FRMD3: variants seen among roughly 807,000 people sequenced by gnomAD.
FRMD3 encodes the protein FERM domain containing 3, also known as FERM domain-containing protein 3.
Under a neutral mutation model 70.2 loss-of-function variants are expected in FRMD3, and 33 were observed. That is an observed-to-expected ratio of 0.47 (90% CI 0.36 to 0.63). FRMD3 has a LOEUF of 0.63. Among genes scored for constraint, FRMD3 ranks in the 20% least tolerant of loss-of-function variants. The pLI is 0.00. For synonymous variants in FRMD3, 279 were observed against 255.9 expected (o/e 1.09, Z -0.86); for missense variants, 632 against 711.4 (o/e 0.89, Z 1.27).
Position 83,452,513 on chromosome 9 carries a change from G to A in FRMD3, c.148-62805C>T, listed in dbSNP as rs1030111832. Among the ~76,000 whole-genome samples, 13 of 151,988 alleles carry A rather than the reference G, an allele frequency of 8.6e-5. No homozygotes were observed. The South Asian group carries it at 1.9e-3, about 22-fold the overall frequency. ...GTTGTTTTTTTTGAGACGGAGTCTC[G>A]CTCCGTCGCCCAGGCTGGAGTGCAG... On this transcript the variant is annotated intron_variant, in intron 1 of 13. Coordinates refer to ENST00000304195, the MANE Select transcript of FRMD3 (RefSeq NM_174938.6).
At chr9:83,493,947 C>G (rs1286054317) in intron 1 of FRMD3, among the ~76,000 whole-genome samples, 1 of 152,230 alleles carries the variant, frequency 6.6e-6, no homozygotes, top group Non-Finnish European at 1.5e-5. Context: ...TTAGTGAACT[C>G]ATAGGTACAG....
At chr9:83,403,806 G>A (rs1482297543) in intron 1 of FRMD3, among the ~76,000 whole-genome samples, 1 of 152,078 alleles carries the variant, frequency 6.6e-6, no homozygotes, top group East Asian at 1.9e-4. Flanking sequence ...TTGGTCGAAT[G>A]ACCTTCTAGA....
chr9:83,254,997 A>T (rs1318134499), intron 13 of FRMD3, among the ~76,000 whole-genome samples: 1 of 152,182 alleles, frequency 6.6e-6, no homozygotes, highest in Non-Finnish European at 1.5e-5. Flanking sequence ...TTCCTAAAAG[A>T]TGAAAAGGAA....
intron 1 of FRMD3, among the ~76,000 whole-genome samples, chr9:83,512,986 G>A (rs10780609): frequency 0.32 from 48,344 of 151,940 alleles, 8,421 homozygotes; most frequent in East Asian, 0.53. Context: ...TGAAAGAAGT[G>A]GTAAAGACAC....
At position 83,270,199 on chromosome 9, in the gene FRMD3, T is replaced by C. The variant is rs563940123; in HGVS notation, c.1195+20404A>G. On this transcript the variant is annotated intron_variant, in intron 13 of 13. Coordinates refer to ENST00000304195, the MANE Select transcript of FRMD3 (RefSeq NM_174938.6). ...TGTTTGTCTGAGAATTGGGAATGCA[T>C]GTCTGGGCAGTGACAAGAGGCCAAA... Among the ~76,000 whole-genome samples, 33 of 152,374 alleles carry C rather than the reference T, an allele frequency of 2.2e-4. No individual in the cohort carries two copies. In the South Asian group the frequency reaches 6.6e-3, roughly 31 times the overall value.
chr9:83,571,827 C>T, the FRMD3 span, among the ~76,000 whole-genome samples: 2 of 152,174 alleles, frequency 1.3e-5, no homozygotes, highest in African/African-American at 4.8e-5. Context: ...GAACCTAAAG[C>T]TTGGCTGGAG....
In FRMD3 at chr9:83,431,575, GT is replaced by G. The variant is rs907232519; in HGVS notation, c.148-41868del. ...AAACAGTTTTGTGGTTAAGTTTAGC[GT>G]TTTTTTTTATGAGATGAAACATTTG... On this transcript the variant is annotated intron_variant, in intron 1 of 13. Coordinates refer to ENST00000304195, the MANE Select transcript of FRMD3 (RefSeq NM_174938.6). Among the ~76,000 whole-genome samples, 47 of 150,014 alleles carry G rather than the reference GT, an allele frequency of 3.1e-4. No homozygotes were observed. The East Asian group carries it at 6.8e-3, about 22-fold the overall frequency.
intron 1 of FRMD3, among the ~76,000 whole-genome samples, chr9:83,501,061 G>T (rs1189855548): frequency 6.6e-6 from 1 of 152,172 alleles, no homozygotes; most frequent in Admixed American, 6.5e-5. Context: ...GTTTATCAAT[G>T]TTAAAAGTCA....
chr9:83,461,558 G>C (rs958819364), intron 1 of FRMD3, among the ~76,000 whole-genome samples: 2 of 151,964 alleles, frequency 1.3e-5, no homozygotes, highest in Non-Finnish European at 2.9e-5. Context: ...CTGGGTTTGT[G>C]GGGTGGGAGG....
the FRMD3 span, among the ~76,000 whole-genome samples, chr9:83,545,653 G>A: frequency 4.3e-3 from 647 of 151,990 alleles, 6 homozygotes; most frequent in African/African-American, 0.015. Context: ...CACCACACCC[G>A]GCCGAGAAAA....
chr9:83,465,601 A>G (rs1828105465), intron 1 of FRMD3, among the ~76,000 whole-genome samples: 1 of 152,118 alleles, frequency 6.6e-6, no homozygotes, highest in Non-Finnish European at 1.5e-5. Flanking sequence ...CATTCTCTAT[A>G]TGCCTGAATT....
In FRMD3 at chr9:83,502,437, T is replaced by C. The variant is rs1290226284; in HGVS notation, c.147+35648A>G. 3.3e-5 allele frequency among the ~76,000 whole-genome samples: 5 copies of C among 152,316 alleles called. No homozygotes were observed. The East Asian group carries it at 9.6e-4, about 29-fold the overall frequency. ...CCTCTAAGTATCTGAATCACCATATTTTATGAAAAGAAATGAGTTATTTGG... is the reference window on the plus strand; with the variant it reads ...CCTCTAAGTATCTGAATCACCATATCTTATGAAAAGAAATGAGTTATTTGG... On this transcript the variant is annotated intron_variant, in intron 1 of 13. Coordinates refer to ENST00000304195, the MANE Select transcript of FRMD3 (RefSeq NM_174938.6).
intron 10 of FRMD3, among the ~76,000 whole-genome samples, chr9:83,300,909 C>T (rs1834898107): frequency 6.6e-6 from 1 of 152,122 alleles, no homozygotes; most frequent in Admixed American, 6.5e-5. Flanking sequence ...TGGTCTTTAT[C>T]GAGAGAACAA....
At chr9:83,379,633 G>T (rs778139313) in intron 2 of FRMD3, among the ~76,000 whole-genome samples, 17 of 152,164 alleles carry the variant, frequency 1.1e-4, no homozygotes, top group Non-Finnish European at 1.9e-4. Context: ...ATGATTTGAA[G>T]GTACCAGGAA....
intron 10 of FRMD3, 43 bp downstream of exon 10, chr9:83,309,493 G>T: frequency 8.7e-7 from 1 of 1,146,812 alleles, no homozygotes; most frequent in Non-Finnish European, 1.3e-6. Context: ...GAATTCCATG[G>T]GTGCTTTTAA....
chr9:83,502,735 C>T (rs17405770), intron 1 of FRMD3, among the ~76,000 whole-genome samples: 2,770 of 152,212 alleles, frequency 0.018, 30 homozygotes, highest in Middle Eastern at 0.041. Context: ...TTGAAAATCT[C>T]GGCCCTCATA....
chr9:83,256,075 CA>C (rs1832693780), intron 13 of FRMD3, among the ~76,000 whole-genome samples: 1 of 152,148 alleles, frequency 6.6e-6, no homozygotes, highest in African/African-American at 2.4e-5. Context: ...CAATCCTAAG[CA>C]AAAAGAACAA....
chr9:83,328,590 A>T (rs1262869109), intron 6 of FRMD3, among the ~76,000 whole-genome samples: 1 of 152,220 alleles, frequency 6.6e-6, no homozygotes, highest in East Asian at 1.9e-4. Context: ...AAAAATTAGG[A>T]GGCAAATTAA....
chr9:83,462,211 C>G (rs1184720999), intron 1 of FRMD3, among the ~76,000 whole-genome samples: 1 of 152,182 alleles, frequency 6.6e-6, no homozygotes, highest in East Asian at 1.9e-4. Flanking sequence ...CAACAGTTCT[C>G]ATTTTTGCCA....
Sources: gnomAD v4.1 joint callset for allele counts (sites outside exome capture counted in the v4.1 genomes callset) on GRCh38, gnomAD v4.1.1 for gene constraint, MANE v1.5 for transcripts, NCBI Gene and HGNC (gene_info 2026-07-23, HGNC 2026-07-21) for gene names.